The following ROBO2 variants were observed in gnomAD, a reference collection of about 807,000 sequenced individuals.
The protein encoded by ROBO2 is roundabout guidance receptor 2.
In ROBO2, 53 loss-of-function variants were observed where a neutral mutation model predicts 160.8. The ratio of observed to expected loss-of-function variants is 0.33; its 90% CI spans 0.26 to 0.41. ROBO2 has a LOEUF of 0.41. ROBO2 is among the 10% of genes least tolerant of loss of function. ROBO2 has a pLI of 1.00. For synonymous variants in ROBO2, 664 were observed against 611.7 expected (o/e 1.09, Z -1.26); for missense variants, 1,577 against 1,722.4 (o/e 0.92, Z 1.49).
chr3:77,483,394 G>A (rs1016668886), intron 4 of ROBO2, among the ~76,000 whole-genome samples: 1 of 151,762 alleles, frequency 6.6e-6, no homozygotes, highest in Non-Finnish European at 1.5e-5. Context: ...CTATTAATAG[G>A]GAGGTCTTCT....
At chr3:76,716,775 A>G (rs2093386127) in intron 2 of ROBO2, among the ~76,000 whole-genome samples, 1 of 152,176 alleles carries the variant, frequency 6.6e-6, no homozygotes, top group African/African-American at 2.4e-5. Flanking sequence ...TGTTGTGTGT[A>G]CTTAAATCTG....
At chr3:77,030,615 T>G (rs2063258500) in intron 2 of ROBO2, among the ~76,000 whole-genome samples, 1 of 152,208 alleles carries the variant, frequency 6.6e-6, no homozygotes, top group African/African-American at 2.4e-5. Context: ...GGCAAGGCCA[T>G]GCTCTTGAGG....
chr3:77,567,256 G>A (rs2093511504), intron 12 of ROBO2, among the ~76,000 whole-genome samples: 1 of 151,896 alleles, frequency 6.6e-6, no homozygotes, highest in African/African-American at 2.4e-5. Context: ...AGAAAAAACA[G>A]GATTACGAAA....
At chr3:76,216,974 T>G (rs1383387020) in intron 2 of ROBO2, among the ~76,000 whole-genome samples, 1 of 152,000 alleles carries the variant, frequency 6.6e-6, no homozygotes, top group Admixed American at 6.6e-5. Context: ...CAGACCACAG[T>G]GCAATCAAAC....
intron 2 of ROBO2, among the ~76,000 whole-genome samples, chr3:77,362,982 C>T (rs1479312705): frequency 2.0e-5 from 3 of 152,066 alleles, no homozygotes; most frequent in Non-Finnish European, 4.4e-5. Context: ...GTGGGAATTG[C>T]AGGAGCTACA....
intron 2 of ROBO2, among the ~76,000 whole-genome samples, chr3:76,086,086 A>G (rs942884123): frequency 2.0e-5 from 3 of 152,188 alleles, no homozygotes; most frequent in African/African-American, 4.8e-5. Context: ...TCACGCAGCT[A>G]TAAGGACATA....
At chr3:76,768,146 A>G (rs558150449) in intron 2 of ROBO2, among the ~76,000 whole-genome samples, 1 of 151,608 alleles carries the variant, frequency 6.6e-6, no homozygotes, top group African/African-American at 2.4e-5. Context: ...AAAATGTTTG[A>G]GAATGTTTAT....
At chr3:77,418,252 A>C (rs1310650336) in intron 2 of ROBO2, among the ~76,000 whole-genome samples, 1 of 152,130 alleles carries the variant, frequency 6.6e-6, no homozygotes, top group Non-Finnish European at 1.5e-5. Flanking sequence ...ACTTTGCTTG[A>C]GCAAAAGTTT....
At chr3:76,159,282 C>G (rs1177931397) in intron 2 of ROBO2, among the ~76,000 whole-genome samples, 1 of 152,114 alleles carries the variant, frequency 6.6e-6, no homozygotes, top group Non-Finnish European at 1.5e-5. Flanking sequence ...TTCATACAAG[C>G]CCATGAAACA....
chr3:77,180,416 C>CTCTCTCTCTCTA (rs1433740534), intron 2 of ROBO2, among the ~76,000 whole-genome samples: 10 of 90,712 alleles, frequency 1.1e-4, no homozygotes, highest in Non-Finnish European at 1.8e-4. Context: ...CTCTCTCTCT[C>CTCTCTCTCTCTA]TATATATATA....
intron 2 of ROBO2, among the ~76,000 whole-genome samples, chr3:77,136,479 C>CTTTTTT (rs59688881): frequency 1.5e-5 from 1 of 67,890 alleles, no homozygotes; most frequent in Non-Finnish European, 2.6e-5. Context: ...ATAAAATATG[C>CTTTTTT]TTTTTTTTTT....
chr3:76,619,327 G>T (rs1380229375), intron 2 of ROBO2, among the ~76,000 whole-genome samples: 23 of 137,190 alleles, frequency 1.7e-4, no homozygotes, highest in Non-Finnish European at 3.3e-4. Flanking sequence ...GCGACAGAGC[G>T]AGACTCCGTC....
At chr3:77,144,557 A>G (rs1239785921) in intron 2 of ROBO2, among the ~76,000 whole-genome samples, 4 of 152,246 alleles carry the variant, frequency 2.6e-5, no homozygotes, top group African/African-American at 9.6e-5. Flanking sequence ...ATATGTACAT[A>G]GTTTTGTTTG....
intron 2 of ROBO2, among the ~76,000 whole-genome samples, chr3:76,890,133 G>A (rs139421716): frequency 6.6e-6 from 1 of 152,148 alleles, no homozygotes; most frequent in African/African-American, 2.4e-5. Flanking sequence ...ATCATTCTGC[G>A]TTTGGAACAG....
intron 19 of ROBO2, 44 bp from the exon 21 acceptor site, chr3:77,602,166 C>T: frequency 6.2e-7 from 1 of 1,607,518 alleles, no homozygotes; most frequent in East Asian, 2.2e-5. Flanking sequence ...TTTTGGGCTT[C>T]CGGTGCCTCA....
At chr3:76,661,271 G>T (rs903007909) in intron 2 of ROBO2, among the ~76,000 whole-genome samples, 1 of 152,110 alleles carries the variant, frequency 6.6e-6, no homozygotes, top group African/African-American at 2.4e-5. Flanking sequence ...AATTTTAAGT[G>T]ACCTGAACAC....
intron 2 of ROBO2, among the ~76,000 whole-genome samples, chr3:75,951,365 C>G (rs1246680995): frequency 2.0e-5 from 3 of 152,042 alleles, no homozygotes; most frequent in Non-Finnish European, 4.4e-5. Context: ...TATGCAGTCT[C>G]TGTCTCTCCT....
chr3:77,276,312 C>A (rs917611654), intron 2 of ROBO2, among the ~76,000 whole-genome samples: 1 of 152,010 alleles, frequency 6.6e-6, no homozygotes, highest in East Asian at 1.9e-4. Flanking sequence ...GTCTTTTCAA[C>A]AATTTTTCCT....
intron 2 of ROBO2, among the ~76,000 whole-genome samples, chr3:76,527,730 C>T (rs1028922085): frequency 1.3e-5 from 2 of 152,000 alleles, no homozygotes; most frequent in African/African-American, 4.8e-5. Context: ...ACATATAGCA[C>T]ATTATATAAT....
Sources: allele counts gnomAD v4.1 joint callset (sites outside exome capture counted in the v4.1 genomes callset), GRCh38; gene constraint gnomAD v4.1.1; transcripts MANE v1.5; gene names NCBI Gene and HGNC (gene_info 2026-07-23, HGNC 2026-07-21).